PXDNL: variants seen among roughly 807,000 people sequenced by gnomAD.
PXDNL encodes the protein peroxidasin like.
In PXDNL, 145 loss-of-function variants were observed where a neutral mutation model predicts 150.8. The observed-to-expected ratio is 0.96, with a 90% CI of 0.84 to 1.10. The LOEUF (loss-of-function observed/expected upper bound fraction) is 1.10, where lower values mean the gene tolerates loss of function less well. Ranked by LOEUF, PXDNL falls within the 50% of genes least tolerant of loss-of-function variation. The pLI is 0.00. For missense variants in PXDNL, 2,087 were observed against 1,873.9 expected (o/e 1.11, Z -2.10); for synonymous variants, 757 against 725.7 (o/e 1.04, Z -0.69).
At position 51,469,905 on chromosome 8, in the gene PXDNL, A is replaced by C. The variant is rs546438143; in HGVS notation, c.812+2282T>G. 2.4e-3 allele frequency among the ~76,000 whole-genome samples: 369 copies of C among 152,132 alleles called. 2 individuals are homozygous for C. The highest frequency in any genetic ancestry group is 7.6e-3 in the African/African-American group (316 of 41,554). On this transcript the variant is annotated intron_variant, in intron 8 of 22. Transcript: ENST00000356297. ...TAAAATGATTAACATTTTGACAGAC[A>C]TTTTTACCCATACTTTTCTTTATTC... is the stretch of plus-strand genomic sequence containing the variant.
intron 4 of PXDNL, among the ~76,000 whole-genome samples, chr8:51,513,435 G>A (rs2130354253): frequency 6.6e-6 from 1 of 152,268 alleles, no homozygotes; most frequent in South Asian, 2.1e-4. Context: ...ACTGTGCAAG[G>A]GACCAGAAGA....
At chr8:51,444,249 A>G (rs1376851877) in intron 12 of PXDNL, among the ~76,000 whole-genome samples, 1 of 152,128 alleles carries the variant, frequency 6.6e-6, no homozygotes, top group Non-Finnish European at 1.5e-5. Context: ...TTTACCCACC[A>G]TGACTTTTGC....
At chr8:51,527,067 A>T (rs1811784765) in intron 4 of PXDNL, among the ~76,000 whole-genome samples, 1 of 151,654 alleles carries the variant, frequency 6.6e-6, no homozygotes, top group African/African-American at 2.4e-5. Context: ...CTTCAATTTG[A>T]CTCATTTTTA....
chr8:51,733,085 A>G (rs1431600516), intron 1 of PXDNL, among the ~76,000 whole-genome samples: 4 of 152,220 alleles, frequency 2.6e-5, no homozygotes, highest in South Asian at 2.1e-4. Flanking sequence ...TGTTCTGGCA[A>G]CAGTGCCTGT....
chr8:51,379,867 C>T (rs3097699), intron 17 of PXDNL, among the ~76,000 whole-genome samples: 6,975 of 151,970 alleles, frequency 0.046, 506 homozygotes, highest in African/African-American at 0.16. Flanking sequence ...ATTTTTAATC[C>T]AAGGGTAGCC....
At chr8:51,547,697 C>A (rs550361790) in intron 4 of PXDNL, among the ~76,000 whole-genome samples, 9 of 152,132 alleles carry the variant, frequency 5.9e-5, no homozygotes, top group Admixed American at 2.0e-4. Flanking sequence ...GAACAGCAGC[C>A]CTTGAGTCCC....
At chr8:51,779,563 A>G (rs2037390326) in intron 1 of PXDNL, among the ~76,000 whole-genome samples, 1 of 152,124 alleles carries the variant, frequency 6.6e-6, no homozygotes, top group African/African-American at 2.4e-5. Flanking sequence ...GTGCCCAGAG[A>G]AGTTAGGCCC....
At chr8:51,361,960 A>AAAAAAAAAAAAAAAAAAAG (rs1563374211) in intron 19 of PXDNL, among the ~76,000 whole-genome samples, 6 of 148,898 alleles carry the variant, frequency 4.0e-5, no homozygotes, top group African/African-American at 1.5e-4. Flanking sequence ...AAAAAAAAAA[A>AAAAAAAAAAAAAAAAAAAG]AAAAAGAAAA....
intron 4 of PXDNL, among the ~76,000 whole-genome samples, chr8:51,541,118 C>T (rs906064308): frequency 1.3e-5 from 2 of 151,688 alleles, no homozygotes; most frequent in Non-Finnish European, 2.9e-5. Context: ...ATTAGCTGGG[C>T]GTGGTGGCAT....
chr8:51,752,246 A>AC, intron 1 of PXDNL, among the ~76,000 whole-genome samples: 2 of 152,158 alleles, frequency 1.3e-5, no homozygotes, highest in African/African-American at 4.8e-5. Flanking sequence ...CTGTTAAATC[A>AC]CGGAGGTTTG....
intron 4 of PXDNL, among the ~76,000 whole-genome samples, chr8:51,541,697 G>C (rs190765032): frequency 6.6e-6 from 1 of 152,232 alleles, no homozygotes; most frequent in African/African-American, 2.4e-5. Flanking sequence ...CCCAGTCTCT[G>C]TATCCTCAAC....
chr8:51,457,302 T>G (rs1371452824), intron 9 of PXDNL, among the ~76,000 whole-genome samples, 196 bp downstream of exon 9: 1 of 152,192 alleles, frequency 6.6e-6, no homozygotes, highest in East Asian at 1.9e-4. Flanking sequence ...CACAATGTGC[T>G]GTACCAGAAA....
chr8:51,346,230 T>A (rs1356442083), intron 19 of PXDNL, among the ~76,000 whole-genome samples: 1 of 152,194 alleles, frequency 6.6e-6, no homozygotes, highest in African/African-American at 2.4e-5. Flanking sequence ...TGCTGAATCT[T>A]ACTTAGTAAG....
intron 1 of PXDNL, among the ~76,000 whole-genome samples, chr8:51,772,133 C>T (rs2037302788): frequency 6.6e-6 from 1 of 152,030 alleles, no homozygotes; most frequent in African/African-American, 2.4e-5. Flanking sequence ...GTCTCACCTT[C>T]CTCCTGTTTC....
intron 1 of PXDNL, among the ~76,000 whole-genome samples, chr8:51,709,376 T>C (rs1226388975): frequency 6.6e-6 from 1 of 151,932 alleles, no homozygotes; most frequent in Non-Finnish European, 1.5e-5. Flanking sequence ...CGCCTCAGCC[T>C]CCCAAGTAGC....
intron 2 of PXDNL, among the ~76,000 whole-genome samples, chr8:51,624,549 C>A (rs925406592): frequency 2.6e-5 from 4 of 151,308 alleles, no homozygotes; most frequent in Non-Finnish European, 5.9e-5. Context: ...ATAATATTTT[C>A]TAAAACAAAC....
In PXDNL at chr8:51,379,810, A is replaced by G. The variant is rs370305235; in HGVS notation, c.3558-5079T>C. 5.3e-5 allele frequency among the ~76,000 whole-genome samples: 8 copies of G among 152,266 alleles called. No homozygotes were observed. In the East Asian group the frequency reaches 1.5e-3, roughly 29 times the overall value. ...CCTCTCAGATTTAATTCCTATATCT[A>G]TCTGGAATTGATTTTCATATATGAT... is the stretch of plus-strand genomic sequence containing the variant. On this transcript the variant is annotated intron_variant, in intron 17 of 22. Coordinates refer to ENST00000356297, the MANE Select transcript of PXDNL (RefSeq NM_144651.5).
intron 21 of PXDNL, among the ~76,000 whole-genome samples, chr8:51,329,912 G>C (rs1218596952): frequency 1.3e-5 from 2 of 152,282 alleles, no homozygotes; most frequent in East Asian, 3.9e-4. Context: ...GGAGACCCAG[G>C]AATGTCACTG....
At chr8:51,568,965 C>A (rs1264635402) in intron 3 of PXDNL, among the ~76,000 whole-genome samples, 1 of 151,858 alleles carries the variant, frequency 6.6e-6, no homozygotes, top group Non-Finnish European at 1.5e-5. Flanking sequence ...CCTAGAGTTT[C>A]TGTTTCTCTG....
Sources: allele counts gnomAD v4.1 joint callset (sites outside exome capture counted in the v4.1 genomes callset), GRCh38; gene constraint gnomAD v4.1.1; transcripts MANE v1.5; gene names NCBI Gene and HGNC (gene_info 2026-07-23, HGNC 2026-07-21).